CHODL: variants seen among roughly 807,000 people sequenced by gnomAD.
The protein encoded by CHODL is transmembrane protein MT75.
A neutral mutation model predicts 34.5 loss-of-function variants in CHODL; 29 were observed. The observed-to-expected ratio is 0.84, with a 90% CI of 0.63 to 1.15. CHODL has a LOEUF of 1.15. CHODL is among the 50% of genes most tolerant of loss of function. The pLI, the probability that CHODL is intolerant of heterozygous loss-of-function variation, is 0.00. For missense variants in CHODL, 332 were observed against 332.5 expected (o/e 1.00, Z 0.01); for synonymous variants, 125 against 116.1 (o/e 1.08, Z -0.49).
intron 1 of CHODL, among the ~76,000 whole-genome samples, chr21:18,012,398 G>A (rs550508891): frequency 2.0e-5 from 3 of 152,242 alleles, no homozygotes; most frequent in Admixed American, 6.5e-5. Context: ...TGGTAATCTA[G>A]ATTAATATTT....
chr21:18,118,389 C>A (rs1263628346), intron 2 of CHODL, among the ~76,000 whole-genome samples: 1 of 152,098 alleles, frequency 6.6e-6, no homozygotes, highest in Non-Finnish European at 1.5e-5. Context: ...AGTCTCTCCT[C>A]AAAAATACTA....
intron 2 of CHODL, among the ~76,000 whole-genome samples, chr21:18,141,132 G>A (rs1428824449): frequency 6.6e-6 from 1 of 151,988 alleles, no homozygotes; most frequent in Non-Finnish European, 1.5e-5. Flanking sequence ...TCAAAGTGAA[G>A]AAAAGAAAAG....
chr21:17,969,348 T>C (rs772476764), intron 1 of CHODL, among the ~76,000 whole-genome samples: 9 of 152,170 alleles, frequency 5.9e-5, no homozygotes, highest in African/African-American at 1.2e-4. Context: ...AATAAATATA[T>C]AGAAGAAAAG....
intron 1 of CHODL, 66 bp from the exon 2 acceptor site, chr21:18,256,443 A>T (rs2074315105): frequency 1.4e-6 from 2 of 1,398,700 alleles, no homozygotes; most frequent in African/African-American, 1.5e-5. Context: ...TTACATTTTG[A>T]TTCTTAGTGT....
At chr21:18,001,692 T>G (rs895807338) in intron 1 of CHODL, among the ~76,000 whole-genome samples, 1 of 152,058 alleles carries the variant, frequency 6.6e-6, no homozygotes, top group Non-Finnish European at 1.5e-5. Flanking sequence ...ATTACATTGT[T>G]ACATGTTGCT....
chr21:17,975,236 A>G (rs1275750919), intron 1 of CHODL, among the ~76,000 whole-genome samples: 1 of 152,106 alleles, frequency 6.6e-6, no homozygotes. Flanking sequence ...CTAATAATGC[A>G]TGTTCTCACA....
intron 1 of CHODL, among the ~76,000 whole-genome samples, chr21:17,965,752 AAGTT>A (rs772555926): frequency 1.3e-5 from 2 of 152,128 alleles, no homozygotes; most frequent in Non-Finnish European, 2.9e-5. Flanking sequence ...AACACAATAA[AAGTT>A]AGTAAAGGGG....
intron 1 of CHODL, among the ~76,000 whole-genome samples, chr21:17,952,155 C>T (rs1156446655): frequency 8.3e-6 from 1 of 121,056 alleles, no homozygotes; most frequent in East Asian, 2.8e-4. Flanking sequence ...GAGGTCAGTG[C>T]TTCAGTGAGC....
chr21:18,201,647 A>C (rs58322126), intron 2 of CHODL, among the ~76,000 whole-genome samples: 1 of 152,004 alleles, frequency 6.6e-6, no homozygotes. Flanking sequence ...GAATTGTTTG[A>C]CTTAATCTGT....
At chr21:18,131,316 G>T (rs1033336054) in intron 2 of CHODL, among the ~76,000 whole-genome samples, 3 of 151,954 alleles carry the variant, frequency 2.0e-5, no homozygotes, top group Admixed American at 2.0e-4. Context: ...ATCTGGGGGG[G>T]ACACAAATAT....
chr21:18,264,708 A>G (rs2074429759), intron 5 of CHODL, among the ~76,000 whole-genome samples: 1 of 152,102 alleles, frequency 6.6e-6, no homozygotes, highest in East Asian at 1.9e-4. Context: ...GAAAGACAGA[A>G]GATAGCAGAA....
rs1218439087 is a variant in CHODL at position 18,122,521 on chromosome 21, A to T, written c.-45+94550A>T. 8.6e-5 allele frequency among the ~76,000 whole-genome samples: 13 copies of T among 151,014 alleles called. No homozygotes were observed. The Admixed American group carries it at 8.6e-4, about 10-fold the overall frequency. On this transcript the variant is annotated intron_variant, in intron 2 of 6. Coordinates refer to the CHODL transcript ENST00000400127. Reference sequence around the variant, plus strand: ...TGTCTGGCACCTAAAAAACAAGGAAAAATCCCTACCAACATATTTCTGCTC... The same window carrying T: ...TGTCTGGCACCTAAAAAACAAGGAATAATCCCTACCAACATATTTCTGCTC...
chr21:17,965,418 C>T (rs1197084021), intron 1 of CHODL, among the ~76,000 whole-genome samples: 1 of 151,996 alleles, frequency 6.6e-6, no homozygotes, highest in African/African-American at 2.4e-5. Context: ...TAGTGCTTTT[C>T]CTTTGCTTCC....
intron 1 of CHODL, among the ~76,000 whole-genome samples, chr21:17,927,198 ATG>A (rs200265780): frequency 2.0e-5 from 3 of 148,336 alleles, no homozygotes; most frequent in East Asian, 1.9e-4. Flanking sequence ...ATATGTATGT[ATG>A]TGTGTGTGTA....
intron 2 of CHODL, among the ~76,000 whole-genome samples, chr21:18,119,885 T>G (rs1458556442): frequency 1.3e-5 from 2 of 152,174 alleles, no homozygotes; most frequent in Non-Finnish European, 2.9e-5. Context: ...GATCTAGAGC[T>G]AGGATCCAAG....
intron 2 of CHODL, among the ~76,000 whole-genome samples, chr21:18,135,738 G>A (rs1004404533): frequency 6.6e-6 from 1 of 152,150 alleles, no homozygotes; most frequent in Non-Finnish European, 1.5e-5. Context: ...TGCATTTTGT[G>A]TTCCTAATGC....
chr21:18,096,598 A>T (rs149476269), intron 2 of CHODL, among the ~76,000 whole-genome samples: 1 of 152,086 alleles, frequency 6.6e-6, no homozygotes, highest in Non-Finnish European at 1.5e-5. Flanking sequence ...GCTTGCTAGG[A>T]TTAGGAAATT....
chr21:17,951,523 T>C (rs1408868929), intron 1 of CHODL, among the ~76,000 whole-genome samples: 1 of 151,112 alleles, frequency 6.6e-6, no homozygotes, highest in Admixed American at 6.6e-5. Context: ...AAAGACTGTA[T>C]CCACACAAAC....
At chr21:18,053,192 A>C (rs2064537650) in intron 2 of CHODL, among the ~76,000 whole-genome samples, 1 of 151,972 alleles carries the variant, frequency 6.6e-6, no homozygotes, top group South Asian at 2.1e-4. Flanking sequence ...GAAAGAGAAT[A>C]AAGACTATTA....
Sources: gnomAD v4.1 joint callset for allele counts (sites outside exome capture counted in the v4.1 genomes callset) on GRCh38, gnomAD v4.1.1 for gene constraint, MANE v1.5 for transcripts, NCBI Gene and HGNC (gene_info 2026-07-23, HGNC 2026-07-21) for gene names.